The following TAF2 variants were observed in gnomAD, a reference collection of about 807,000 sequenced individuals.
TAF2 encodes the protein transcription initiation factor TFIID subunit 2.
A neutral mutation model predicts 138.5 loss-of-function variants in TAF2; 61 were observed. That is an observed-to-expected ratio of 0.44 (90% CI 0.36 to 0.54). TAF2 has a LOEUF of 0.54. Among genes scored for constraint, TAF2 ranks in the 20% least tolerant of loss-of-function variants. The pLI, the probability that TAF2 is intolerant of heterozygous loss-of-function variation, is 0.00. For missense variants in TAF2, 1,090 were observed against 1,427.9 expected (o/e 0.76, Z 3.81); for synonymous variants, 475 against 469.9 (o/e 1.01, Z -0.14).
chr8:119,733,780 G>GCC (rs112007210), intron 25 of TAF2, among the ~76,000 whole-genome samples: 5,817 of 148,940 alleles, frequency 0.039, 155 homozygotes, highest in South Asian at 0.098. Flanking sequence ...TCTTAAATCC[G>GCC]CCCCCCCCCA....
intron 25 of TAF2, among the ~76,000 whole-genome samples, chr8:119,733,287 C>G (rs1269338034): frequency 6.6e-6 from 1 of 152,092 alleles, no homozygotes; most frequent in Non-Finnish European, 1.5e-5. Flanking sequence ...CAAATGAACT[C>G]TAAGAAGATT....
intron 22 of TAF2, among the ~76,000 whole-genome samples, chr8:119,750,433 T>G (rs2131022026): frequency 6.6e-6 from 1 of 152,360 alleles, no homozygotes; most frequent in South Asian, 2.1e-4. Context: ...AGGACACTTC[T>G]GAATAAACCC....
At chr8:119,738,379 A>G (rs1227988311) in intron 25 of TAF2, among the ~76,000 whole-genome samples, 1 of 152,172 alleles carries the variant, frequency 6.6e-6, no homozygotes, top group Admixed American at 6.5e-5. Context: ...ATTTACACAG[A>G]TAATTTCACA....
chr8:119,799,860 G>A lies in TAF2; in HGVS notation c.792+1934C>T, dbSNP rs535967655. 2.0e-5 allele frequency among the ~76,000 whole-genome samples: 3 copies of A among 152,272 alleles called. No homozygotes were observed. The South Asian group carries it at 6.2e-4, about 32-fold the overall frequency. Reference sequence around the variant, plus strand: ...ATCGCCATTCTAACTGGTGTGAGATGGTATCTCATTGTGGTTTTGATTTGC... The same window carrying A: ...ATCGCCATTCTAACTGGTGTGAGATAGTATCTCATTGTGGTTTTGATTTGC... On this transcript the variant is annotated intron_variant, in intron 6 of 25. Transcript: ENST00000378164.
intron 18 of TAF2, among the ~76,000 whole-genome samples, chr8:119,771,809 T>C (rs1821859534): frequency 6.6e-6 from 1 of 152,146 alleles, no homozygotes; most frequent in Non-Finnish European, 1.5e-5. Context: ...AAAGAAACTC[T>C]GGACTTAAAC....
chr8:119,775,841 T>C (rs1225868810), intron 18 of TAF2, among the ~76,000 whole-genome samples: 1 of 152,194 alleles, frequency 6.6e-6, no homozygotes, highest in Admixed American at 6.6e-5. Flanking sequence ...CAGATAAAAT[T>C]TCCCTGGGAA....
chr8:119,733,478 T>C (rs761339264), intron 25 of TAF2, among the ~76,000 whole-genome samples: 1 of 152,200 alleles, frequency 6.6e-6, no homozygotes, highest in Non-Finnish European at 1.5e-5. Context: ...GTCTAGTTCA[T>C]CATCTAAAAA....
At chr8:119,802,047 T>G in intron 5 of TAF2, 22 bp from the exon 6 acceptor site, 1 of 1,572,806 alleles carries the variant, frequency 6.4e-7, no homozygotes, top group East Asian at 2.3e-5. Flanking sequence ...ATTGACAGTA[T>G]AGAAAATGTA....
At chr8:119,749,077 A>G (rs1361605172) in intron 22 of TAF2, among the ~76,000 whole-genome samples, 1 of 152,210 alleles carries the variant, frequency 6.6e-6, no homozygotes, top group African/African-American at 2.4e-5. Context: ...GAGTCATTCA[A>G]TTGTGAATCC....
chr8:119,828,854 A>G (rs1260969280), intron 2 of TAF2, among the ~76,000 whole-genome samples: 1 of 152,236 alleles, frequency 6.6e-6, no homozygotes, highest in East Asian at 1.9e-4. Flanking sequence ...CCAGATAGAA[A>G]TATTTCAGGC....
intron 16 of TAF2, among the ~76,000 whole-genome samples, chr8:119,781,779 C>T (rs377234200): frequency 2.0e-5 from 3 of 152,192 alleles, no homozygotes; most frequent in East Asian, 3.9e-4. Flanking sequence ...CCTCTGCCTC[C>T]CGGGCTCCAG....
chr8:119,803,115 AAAAT>A (rs891923194), intron 5 of TAF2, among the ~76,000 whole-genome samples: 8 of 152,132 alleles, frequency 5.3e-5, no homozygotes, highest in Admixed American at 3.9e-4. Context: ...TGTTTCAAAA[AAAAT>A]AAATAAATAA....
chr8:119,744,777 T>C (rs572688588), intron 23 of TAF2: 5 of 396,188 alleles, frequency 1.3e-5, no homozygotes, highest in South Asian at 7.7e-5. Flanking sequence ...TGCAGTCTGT[T>C]GCGTGTGTTC....
intron 18 of TAF2, among the ~76,000 whole-genome samples, chr8:119,765,433 G>A (rs1195416226): frequency 1.3e-5 from 2 of 152,142 alleles, no homozygotes; most frequent in African/African-American, 4.8e-5. Flanking sequence ...ATAGGTAGAG[G>A]AAGGAGAAAG....
rs185946096 is a variant in TAF2, at chr8:119,803,012, T to C, written c.560+866A>G. On this transcript the variant is annotated intron_variant, in intron 5 of 25. Transcript: ENST00000378164. ...CTGTAGTCCCAGCTACTTAGGAGGATAGGTAGGAGAATCACTGGAACCCAG... is the reference window on the plus strand; with the variant it reads ...CTGTAGTCCCAGCTACTTAGGAGGACAGGTAGGAGAATCACTGGAACCCAG... Among the ~76,000 whole-genome samples, 229 of 151,974 alleles carry C rather than the reference T, an allele frequency of 1.5e-3. 2 individuals carry two copies. The highest frequency in any genetic ancestry group is 5.2e-3 in the South Asian group (25 of 4,802).
At position 119,781,125 on chromosome 8, in the gene TAF2, A is replaced by C; in HGVS notation, c.2181T>G (p.Phe727Leu). 2 of 1,614,152 alleles carry C rather than the reference A, an allele frequency of 1.2e-6. No homozygotes were observed. Among genetic ancestry groups the C allele is most frequent in the Non-Finnish European group, 1.7e-6 (2 of 1,180,026 alleles). Residue 727 changes from phenylalanine to leucine, a missense_variant, in exon 17 of 26, where the codon TTT becomes TTG. This residue lies in a region of TAF2 where 580 missense variants were observed against 719.6 expected (regional missense o/e 0.81). Transcript: ENST00000378164. ...PAMKSLFTRM[F>L]CCKSCPNIVK... is the part of the protein sequence containing the mutation. The stretch of plus-strand genomic sequence containing the variant: ...CAATGTTTGGACAACTTTTACAACA[A>C]AACATCCTAGTGAAGAGTGACTTCA...
chr8:119,737,373 G>A (rs1218449474), intron 25 of TAF2, among the ~76,000 whole-genome samples: 2 of 151,808 alleles, frequency 1.3e-5, no homozygotes, highest in Non-Finnish European at 2.9e-5. Flanking sequence ...AATTCAGAAG[G>A]GTAGAAATGG....
chr8:119,749,439 A>AAAAAGAC (rs1491292757), intron 22 of TAF2, among the ~76,000 whole-genome samples: 3 of 152,332 alleles, frequency 2.0e-5, no homozygotes, highest in African/African-American at 7.2e-5. Context: ...TTAAAAGTAC[A>AAAAAGAC]AAAGAGAGCA....
intron 2 of TAF2, among the ~76,000 whole-genome samples, chr8:119,821,545 A>G (rs1206923933): frequency 6.6e-6 from 1 of 152,216 alleles, no homozygotes. Context: ...GGTCACTTAT[A>G]GGATTTTATT....
Sources: gnomAD v4.1 joint callset for allele counts (sites outside exome capture counted in the v4.1 genomes callset) on GRCh38, gnomAD v4.1.1 for gene constraint, gnomAD v4.1.1 regional missense constraint, MANE v1.5 for transcripts, NCBI Gene and HGNC (gene_info 2026-07-23, HGNC 2026-07-21) for gene names.